The following SNX29 variants were observed in gnomAD, a reference collection of about 807,000 sequenced individuals.
SNX29 encodes sorting nexin-29.
SNX29 carries 78 observed loss-of-function variants against 102.1 expected under a neutral mutation model. The observed-to-expected ratio is 0.76, with a 90% CI of 0.64 to 0.92. The LOEUF is 0.92. Ranked by LOEUF, SNX29 falls within the 40% of genes least tolerant of loss-of-function variation. The probability of loss-of-function intolerance (pLI) is 0.00; values close to 1 mark genes in which losing one functional copy is unlikely to be tolerated. For missense variants in SNX29, 1,280 were observed against 1,061.7 expected, an observed-to-expected ratio of 1.21 and a Z score of -2.86; for synonymous variants, 580 against 414.5, an observed-to-expected ratio of 1.40 and a Z score of -4.85.
intron 15 of SNX29, among the ~76,000 whole-genome samples, chr16:12,293,827 C>T (rs1054860650): frequency 2.0e-5 from 3 of 152,124 alleles, no homozygotes; most frequent in African/African-American, 4.8e-5. Flanking sequence ...TGTTAAAATC[C>T]TTATCAGGCT....
Position 12,458,523 on chromosome 16 carries a change from T to A in SNX29, c.2038-19196T>A, listed in dbSNP as rs188493884. On this transcript the variant is annotated intron_variant, in intron 18 of 20. Coordinates refer to ENST00000566228, the MANE Select transcript of SNX29 (RefSeq NM_032167.5). ...AGGGTTTTGTATTTATTATGTACAT[T>A]TTGTTGTTAGACAGCTATCACTGGT... is the stretch of plus-strand genomic sequence containing the variant. 3.3e-5 allele frequency among the ~76,000 whole-genome samples: 5 copies of A among 152,258 alleles called. No homozygotes were observed. In the East Asian group the frequency reaches 9.6e-4, roughly 29 times the overall value.
chr16:12,312,694 GA>G (rs33930513), intron 15 of SNX29, among the ~76,000 whole-genome samples: 151,519 of 151,854 alleles, frequency 1, 75,592 homozygotes, highest in Middle Eastern at 1. Context: ...GACAGAGGGG[GA>G]AGAGCTTCCA....
intron 13 of SNX29, among the ~76,000 whole-genome samples, chr16:12,138,548 G>T (rs2141480626): frequency 6.6e-6 from 1 of 151,924 alleles, no homozygotes; most frequent in East Asian, 2.0e-4. Flanking sequence ...TATTCTGTTT[G>T]GTAAAAGAAA....
At position 12,538,306 on chromosome 16, in the gene SNX29, G is replaced by T. The variant is rs148697968; in HGVS notation, c.2318+13465G>T. ...AATTTTGTATTTTTGTTTTTTAGTA[G>T]AGAGGGGGTTTCACCATGTTAGCCA... is the stretch of plus-strand genomic sequence containing the variant. On this transcript the variant is annotated intron_variant, in intron 20 of 20. Coordinates refer to ENST00000566228, the MANE Select transcript of SNX29 (RefSeq NM_032167.5). 3.3e-3 allele frequency among the ~76,000 whole-genome samples: 504 copies of T among 152,234 alleles called. 1 individual carries two copies. Among genetic ancestry groups the T allele is most frequent in the African/African-American group, 0.011 (457 of 41,532 alleles).
chr16:12,470,407 C>A (rs778612421), intron 18 of SNX29, among the ~76,000 whole-genome samples: 1 of 152,180 alleles, frequency 6.6e-6, no homozygotes, highest in African/African-American at 2.4e-5. Flanking sequence ...TAACATCCAT[C>A]AAGTATCTCC....
chr16:12,085,595 G>A (rs1468403763), intron 11 of SNX29, among the ~76,000 whole-genome samples: 1 of 152,172 alleles, frequency 6.6e-6, no homozygotes, highest in Non-Finnish European at 1.5e-5. Context: ...CCAAAGTGGT[G>A]GGATTATAGG....
chr16:12,569,624 C>G lies in SNX29; in HGVS notation c.*995C>G, dbSNP rs574812752. On this transcript the variant is annotated 3_prime_UTR_variant, in exon 21 of 21. Coordinates refer to ENST00000566228, the MANE Select transcript of SNX29 (RefSeq NM_032167.5). ...CGACATTGTCCTTGATAACAGAACT[C>G]TGCATCCCCTAAGACAGAGTCCTCT... 3.4e-4 allele frequency: 60 copies of G among 175,518 alleles called. No homozygotes were observed. The highest frequency in any genetic ancestry group is 2.1e-3 in the African/African-American group (56 of 26,480). 10.9% of individuals were successfully genotyped at this position (175,518 alleles called of 1,614,324 possible).
chr16:12,568,390 CCAGT>C, intron 20 of SNX29, 112 bp from the exon 21 acceptor site: 2 of 1,372,872 alleles, frequency 1.5e-6, no homozygotes, highest in South Asian at 1.3e-5. Flanking sequence ...ATCCAATGAG[CCAGT>C]CACAGTTGCC....
intron 14 of SNX29, among the ~76,000 whole-genome samples, chr16:12,222,554 TTCAC>T (rs2077505418): frequency 3.3e-5 from 5 of 152,142 alleles, no homozygotes; most frequent in Admixed American, 3.3e-4. Context: ...TGGGTGAAGC[TTCAC>T]AGTTTGCAGA....
At chr16:12,203,726 G>C (rs915828012) in intron 14 of SNX29, among the ~76,000 whole-genome samples, 10 of 152,334 alleles carry the variant, frequency 6.6e-5, no homozygotes, top group Non-Finnish European at 1.2e-4. Flanking sequence ...TAGGCAGTGG[G>C]CTTCTCTTGG....
chr16:12,265,578 C>A (rs902314903), intron 14 of SNX29, among the ~76,000 whole-genome samples: 1 of 151,772 alleles, frequency 6.6e-6, no homozygotes, highest in South Asian at 2.1e-4. Context: ...ATTCTCACGT[C>A]GGCCAGGCAC....
At chr16:12,085,157 G>A (rs116921178) in intron 11 of SNX29, among the ~76,000 whole-genome samples, 2,172 of 152,068 alleles carry the variant, frequency 0.014, 18 homozygotes, top group Non-Finnish European at 0.022. Flanking sequence ...GAAGTCACCC[G>A]CATGGCCAGT....
chr16:12,531,854 A>T (rs920686400), intron 20 of SNX29, among the ~76,000 whole-genome samples: 3 of 152,204 alleles, frequency 2.0e-5, no homozygotes, highest in African/African-American at 7.2e-5. Flanking sequence ...GCCTTCAGGT[A>T]GCAGTTTCTC....
chr16:12,091,169 G>A (rs2052525306), intron 11 of SNX29, among the ~76,000 whole-genome samples: 1 of 152,048 alleles, frequency 6.6e-6, no homozygotes, highest in South Asian at 2.1e-4. Flanking sequence ...TAAAATAGGA[G>A]TGCTAGACTT....
At chr16:12,013,232 T>C (rs899786766) in intron 3 of SNX29, among the ~76,000 whole-genome samples, 1 of 151,542 alleles carries the variant, frequency 6.6e-6, no homozygotes, top group South Asian at 2.1e-4. Context: ...AGCAAACATA[T>C]ATTAGGAAAA....
chr16:12,564,473 C>A (rs113174840), intron 20 of SNX29, among the ~76,000 whole-genome samples: 1,522 of 151,926 alleles, frequency 0.01, 20 homozygotes, highest in South Asian at 0.044. Context: ...GGTTATGGAT[C>A]TTTCTCCAAG....
intron 11 of SNX29, among the ~76,000 whole-genome samples, chr16:12,116,898 C>T (rs369809334): frequency 3.3e-5 from 5 of 152,078 alleles, no homozygotes; most frequent in African/African-American, 4.8e-5. Context: ...GCGGACGAAC[C>T]GTGGAAACAG....
intron 20 of SNX29, among the ~76,000 whole-genome samples, chr16:12,530,786 C>A (rs1034397715): frequency 6.6e-6 from 1 of 152,178 alleles, no homozygotes; most frequent in East Asian, 1.9e-4. Context: ...AAACTCCTGA[C>A]CTCCAGTGAT....
chr16:12,489,634 C>T (rs182193830), intron 19 of SNX29, among the ~76,000 whole-genome samples: 205 of 152,314 alleles, frequency 1.3e-3, no homozygotes, highest in African/African-American at 4.7e-3. Flanking sequence ...GCGGTGTGTC[C>T]TTAGCCCTCA....
Sources: gnomAD v4.1 joint callset for allele counts (sites outside exome capture counted in the v4.1 genomes callset) on GRCh38, gnomAD v4.1.1 for gene constraint, MANE v1.5 for transcripts, NCBI Gene and HGNC (gene_info 2026-07-23, HGNC 2026-07-21) for gene names.